Variants in IL1RAPL2 observed in about 807,000 individuals in gnomAD.
IL1RAPL2 encodes the protein X-linked interleukin-1 receptor accessory protein-like 2.
A neutral mutation model predicts 44.1 loss-of-function variants in IL1RAPL2; 3 were observed. The ratio of observed to expected loss-of-function variants is 0.07; its 90% CI spans 0.03 to 0.18. The LOEUF is 0.18. Among genes scored for constraint, IL1RAPL2 ranks in the 10% least tolerant of loss-of-function variants. The pLI, the probability that IL1RAPL2 is intolerant of heterozygous loss-of-function variation, is 1.00. For synonymous variants in IL1RAPL2, 181 were observed against 178.8 expected, an observed-to-expected ratio of 1.01 and a Z score of -0.10; for missense variants, 391 against 496.4, an observed-to-expected ratio of 0.79 and a Z score of 2.02.
intron 2 of IL1RAPL2, among the ~76,000 whole-genome samples, chrX:104,738,244 T>A (rs187963412): frequency 8.9e-6 from 1 of 112,070 alleles, no homozygotes; most frequent in Non-Finnish European, 1.9e-5. Context: ...TGCCCATTAA[T>A]AATTATCCTG....
At chrX:105,177,660 G>A (rs1056985510) in intron 2 of IL1RAPL2, among the ~76,000 whole-genome samples, 1 of 110,772 alleles carries the variant, frequency 9.0e-6, no homozygotes, top group Non-Finnish European at 1.9e-5. Flanking sequence ...AAATTTGTGT[G>A]ACAAATAATA....
chrX:104,854,336 T>G (rs943471974), intron 2 of IL1RAPL2, among the ~76,000 whole-genome samples: 2 of 111,455 alleles, frequency 1.8e-5, no homozygotes, highest in African/African-American at 6.5e-5. Flanking sequence ...ATTCAAAACT[T>G]TCAATTTACC....
At chrX:104,746,897 G>A (rs1194429226) in intron 2 of IL1RAPL2, among the ~76,000 whole-genome samples, 1 of 111,058 alleles carries the variant, frequency 9.0e-6, no homozygotes, top group Non-Finnish European at 1.9e-5. Flanking sequence ...TTATTCTGTA[G>A]GCCATAGTGG....
Position 104,938,354 on chromosome X carries a change from T to A in IL1RAPL2, c.83-257121T>A, listed in dbSNP as rs746751324. Among the ~76,000 whole-genome samples the A allele has an allele frequency of 1.2e-4, 14 of 112,105 alleles. No homozygotes were observed. In the South Asian group the frequency reaches 5.2e-3, roughly 42 times the overall value. On this transcript the variant is annotated intron_variant, in intron 2 of 10. Transcript: ENST00000372582. ...GCTATTATTTGATTATTGCTTTATC[T>A]TTTATTCTCTGATAATCAGGACAAA... is the stretch of plus-strand genomic sequence containing the variant.
At chrX:105,293,649 T>C (rs930030310) in intron 5 of IL1RAPL2, among the ~76,000 whole-genome samples, 1 of 112,220 alleles carries the variant, frequency 8.9e-6, no homozygotes, top group Non-Finnish European at 1.9e-5. Flanking sequence ...TAATTCAATA[T>C]GGTTATGTTT....
At chrX:105,317,187 T>G (rs905309997) in intron 5 of IL1RAPL2, among the ~76,000 whole-genome samples, 1 of 112,174 alleles carries the variant, frequency 8.9e-6, no homozygotes, top group African/African-American at 3.2e-5. Flanking sequence ...TTATTGGACC[T>G]GTAAAAATAA....
At chrX:104,946,833 G>A (rs780565551) in intron 2 of IL1RAPL2, among the ~76,000 whole-genome samples, 49 of 94,525 alleles carry the variant, frequency 5.2e-4, no homozygotes, top group Non-Finnish European at 1.1e-4. Context: ...CATTTGGGTT[G>A]GTTCCAAGTC....
chrX:105,637,699 A>G (rs755102183), intron 6 of IL1RAPL2, among the ~76,000 whole-genome samples: 21 of 110,440 alleles, frequency 1.9e-4, no homozygotes, highest in Non-Finnish European at 3.4e-4. Context: ...TTTCCTTAGC[A>G]AATGAGAATA....
intron 3 of IL1RAPL2, among the ~76,000 whole-genome samples, chrX:105,202,960 A>G (rs1334114003): frequency 7.2e-5 from 8 of 111,698 alleles, no homozygotes; most frequent in Non-Finnish European, 1.5e-4. Flanking sequence ...TAGACCATTC[A>G]GTCTCCCATC....
At chrX:104,785,971 C>T (rs1205799161) in intron 2 of IL1RAPL2, among the ~76,000 whole-genome samples, 1 of 112,091 alleles carries the variant, frequency 8.9e-6, no homozygotes, top group Non-Finnish European at 1.9e-5. Context: ...TTCAAACCCA[C>T]CAGGAATAGA....
chrX:105,091,603 C>A (rs2032543711), intron 2 of IL1RAPL2, among the ~76,000 whole-genome samples: 2 of 111,971 alleles, frequency 1.8e-5, no homozygotes, highest in African/African-American at 6.5e-5. Context: ...GAACACTGGT[C>A]TTCAAAAGTC....
chrX:104,708,945 A>G (rs1170126854), intron 2 of IL1RAPL2, among the ~76,000 whole-genome samples: 1 of 111,509 alleles, frequency 9.0e-6, no homozygotes, highest in Non-Finnish European at 1.9e-5. Context: ...TTAATTGAGA[A>G]GGAATATCTG....
intron 2 of IL1RAPL2, among the ~76,000 whole-genome samples, chrX:104,860,774 C>T (rs376575253): frequency 5.4e-4 from 60 of 110,136 alleles, no homozygotes; most frequent in African/African-American, 1.5e-3. Flanking sequence ...TATATGACTA[C>T]GAAATAAAGA....
chrX:104,818,354 A>AG (rs1921202819), intron 2 of IL1RAPL2, among the ~76,000 whole-genome samples: 1 of 108,452 alleles, frequency 9.2e-6, no homozygotes, highest in East Asian at 2.9e-4. Context: ...AAAAAAAAAA[A>AG]AAAAAAAAAA....
intron 6 of IL1RAPL2, among the ~76,000 whole-genome samples, chrX:105,604,044 T>C (rs1483924488): frequency 9.1e-6 from 1 of 109,634 alleles, no homozygotes; most frequent in Non-Finnish European, 1.9e-5. Flanking sequence ...AATAAACACC[T>C]ACATGAAAAA....
chrX:104,643,666 A>G (rs1169315518), intron 1 of IL1RAPL2, among the ~76,000 whole-genome samples: 1 of 111,161 alleles, frequency 9.0e-6, no homozygotes, highest in African/African-American at 3.3e-5. Flanking sequence ...AGCAGGATAA[A>G]TTTTACTCAA....
intron 6 of IL1RAPL2, among the ~76,000 whole-genome samples, chrX:105,615,163 C>T (rs2037364862): frequency 9.0e-6 from 1 of 111,376 alleles, no homozygotes; most frequent in Non-Finnish European, 1.9e-5. Flanking sequence ...GACTTTTATC[C>T]AAAAGACAGC....
At chrX:104,730,664 A>T (rs1931893919) in intron 2 of IL1RAPL2, among the ~76,000 whole-genome samples, 1 of 105,773 alleles carries the variant, frequency 9.5e-6, no homozygotes, top group Admixed American at 1.0e-4. Flanking sequence ...GCTATTGTGA[A>T]TAGTGTCGCA....
At chrX:104,651,308 G>C (rs1436901917) in intron 1 of IL1RAPL2, among the ~76,000 whole-genome samples, 1 of 111,697 alleles carries the variant, frequency 9.0e-6, no homozygotes, top group Non-Finnish European at 1.9e-5. Flanking sequence ...AAAGAATAGG[G>C]AGGGGTGAAT....
Sources: gnomAD v4.1 joint callset for allele counts (sites outside exome capture counted in the v4.1 genomes callset) on GRCh38, gnomAD v4.1.1 for gene constraint, MANE v1.5 for transcripts, NCBI Gene and HGNC (gene_info 2026-07-23, HGNC 2026-07-21) for gene names.